The following COL19A1 variants were observed in gnomAD, a reference collection of about 807,000 sequenced individuals.
The protein encoded by COL19A1 is collagen type XIX alpha 1 chain, also known as collagen alpha-1(XIX) chain.
A neutral mutation model predicts 190.2 loss-of-function variants in COL19A1; 159 were observed. The ratio of observed to expected loss-of-function variants is 0.84; its 90% CI spans 0.73 to 0.95. The LOEUF (loss-of-function observed/expected upper bound fraction) is 0.95. Ranked by LOEUF, COL19A1 falls within the 40% of genes least tolerant of loss-of-function variation. The pLI is 0.00. For missense variants in COL19A1, 1,418 were observed against 1,431.9 expected (o/e 0.99, Z 0.16); for synonymous variants, 509 against 458.9 (o/e 1.11, Z -1.39).
chr6:70,047,865 G>T (rs1779993166), intron 14 of COL19A1, among the ~76,000 whole-genome samples: 1 of 152,052 alleles, frequency 6.6e-6, no homozygotes, highest in South Asian at 2.1e-4. Context: ...TTCTCTTCCA[G>T]TCTTTGCATG....
In COL19A1 at chr6:70,156,373, A is replaced by G; in HGVS notation, c.2238+4A>G. The G allele has an allele frequency of 6.2e-7, 1 of 1,613,220 alleles. No individual in the cohort carries two copies. Among genetic ancestry groups the G allele is most frequent in the Non-Finnish European group, 8.5e-7 (1 of 1,179,510 alleles). On this transcript the variant is annotated splice_donor_region_variant and intron_variant, in intron 33 of 50. Coordinates refer to ENST00000620364, the MANE Select transcript of COL19A1 (RefSeq NM_001858.6). ...CCCAGGAAGAGAGGGACCAAAGGTA[A>G]GAAATTCTCTCCTCCACTTTCCCCT...
At chr6:70,023,774 C>G in intron 12 of COL19A1, 94 bp downstream of exon 12, 1 of 1,107,304 alleles carries the variant, frequency 9.0e-7, no homozygotes, top group Non-Finnish European at 1.3e-6. Flanking sequence ...TTTGGCAGAG[C>G]CAGCCAGCCA....
intron 11 of COL19A1, among the ~76,000 whole-genome samples, chr6:69,972,418 A>G (rs1775483287): frequency 6.6e-6 from 1 of 152,208 alleles, no homozygotes; most frequent in Non-Finnish European, 1.5e-5. Context: ...GTACGTTTTT[A>G]TCTCTAACAC....
At chr6:69,996,063 C>T (rs753577232) in intron 11 of COL19A1, among the ~76,000 whole-genome samples, 15 of 152,068 alleles carry the variant, frequency 9.9e-5, no homozygotes, top group East Asian at 3.8e-4. Context: ...AACTTTATCT[C>T]GATTCATCTT....
intron 4 of COL19A1, among the ~76,000 whole-genome samples, chr6:69,921,395 CATATATCATATATATCATATATCAT>C (rs1361002104): frequency 3.7e-5 from 3 of 80,358 alleles, no homozygotes; most frequent in African/African-American, 1.9e-4. Flanking sequence ...TCATATATAT[CATATATCATATATATCATATATCAT>C]ATATATCATA....
chr6:70,005,374 T>C (rs927306784), intron 11 of COL19A1, among the ~76,000 whole-genome samples: 1 of 152,186 alleles, frequency 6.6e-6, no homozygotes, highest in African/African-American at 2.4e-5. Flanking sequence ...GTTGTTGCTT[T>C]CTGTTTGTTT....
intron 41 of COL19A1, among the ~76,000 whole-genome samples, chr6:70,174,486 G>GTGAGCCAGTGAGCCAGT (rs1562244030): frequency 6.6e-6 from 1 of 152,042 alleles, no homozygotes; most frequent in Non-Finnish European, 1.5e-5. Flanking sequence ...CTTGAACCCA[G>GTGAGCCAGTGAGCCAGT]GAGGCAGAGG....
intron 49 of COL19A1, among the ~76,000 whole-genome samples, chr6:70,205,451 T>C (rs537173856): frequency 1.3e-5 from 2 of 152,350 alleles, no homozygotes; most frequent in East Asian, 3.9e-4. Context: ...CAGCACACCT[T>C]TATGAAAAGG....
chr6:69,902,666 T>G (rs1770264769), intron 4 of COL19A1, among the ~76,000 whole-genome samples: 1 of 152,220 alleles, frequency 6.6e-6, no homozygotes, highest in South Asian at 2.1e-4. Context: ...GTCCTGTACC[T>G]GTGCTAAAGT....
intron 12 of COL19A1, among the ~76,000 whole-genome samples, chr6:70,029,736 A>G (rs117626851): frequency 0.031 from 4,766 of 152,306 alleles, 106 homozygotes; most frequent in Non-Finnish European, 0.047. Flanking sequence ...TCATAAAAGT[A>G]GAAGCTTGAC....
chr6:70,112,466 A>G (rs1393224771), intron 16 of COL19A1, among the ~76,000 whole-genome samples: 2 of 152,122 alleles, frequency 1.3e-5, no homozygotes, highest in Non-Finnish European at 2.9e-5. Context: ...TTATGGATGG[A>G]TAAGCAGAAT....
rs143251981 is a variant in COL19A1 at position 70,142,807 on chromosome 6, C to T, written c.1613C>T (p.Pro538Leu). 387 of 1,612,068 alleles carry T rather than the reference C, an allele frequency of 2.4e-4. No individual in the cohort carries two copies. The African/African-American group carries it at 3.6e-3, about 15-fold the overall frequency. Residue 538 changes from proline to leucine, a missense_variant, in exon 23 of 51, where the codon CCG (proline) becomes CTG (leucine). Transcript: ENST00000620364. ...GCAGGCTCCATGGGACCCAGAGGAC[C>T]GCCAGGAGATGTTGTATGTATAATG... ...GSAGSMGPRG[P>L]PGDVGLPGEH...
chr6:70,096,021 A>T (rs1197196036), intron 15 of COL19A1, among the ~76,000 whole-genome samples: 1 of 151,998 alleles, frequency 6.6e-6, no homozygotes, highest in Non-Finnish European at 1.5e-5. Flanking sequence ...CTTTTCTTAA[A>T]ACTGTTTCCA....
At chr6:70,189,869 G>A (rs1407579293) in intron 47 of COL19A1, among the ~76,000 whole-genome samples, 6 of 152,206 alleles carry the variant, frequency 3.9e-5, no homozygotes, top group Non-Finnish European at 5.9e-5. Context: ...TTGGAGTTCT[G>A]TTCCAGGTTG....
chr6:70,145,494 GA>G (rs1345066373), intron 25 of COL19A1, among the ~76,000 whole-genome samples: 1 of 152,106 alleles, frequency 6.6e-6, no homozygotes, highest in Non-Finnish European at 1.5e-5. Flanking sequence ...CAACATAGTA[GA>G]GATGGGAGCA....
intron 40 of COL19A1, 73 bp downstream of exon 40, chr6:70,168,754 C>G (rs1765322460): frequency 6.6e-7 from 1 of 1,523,686 alleles, no homozygotes; most frequent in South Asian, 1.2e-5. Flanking sequence ...AAGCATCGGG[C>G]AAAATGGCCT....
chr6:70,105,872 T>C (rs757074637), intron 16 of COL19A1, among the ~76,000 whole-genome samples: 1 of 152,222 alleles, frequency 6.6e-6, no homozygotes. Context: ...TACTATGTAA[T>C]ATCCCTCAAA....
chr6:69,909,208 G>A (rs891135721), intron 4 of COL19A1, among the ~76,000 whole-genome samples: 3 of 152,038 alleles, frequency 2.0e-5, no homozygotes, highest in African/African-American at 4.8e-5. Context: ...GGAAAAGAGG[G>A]TAGGTTCTCA....
At chr6:69,985,857 A>C (rs1776282533) in intron 11 of COL19A1, among the ~76,000 whole-genome samples, 1 of 152,196 alleles carries the variant, frequency 6.6e-6, no homozygotes, top group Non-Finnish European at 1.5e-5. Context: ...GCATATTATC[A>C]TAAAATGCAT....
Sources: allele counts gnomAD v4.1 joint callset (sites outside exome capture counted in the v4.1 genomes callset), GRCh38; gene constraint gnomAD v4.1.1; transcripts MANE v1.5; gene names NCBI Gene and HGNC (gene_info 2026-07-23, HGNC 2026-07-21).